The following FSTL5 variants were observed in gnomAD, a reference collection of about 807,000 sequenced individuals.
FSTL5 encodes the protein follistatin-related protein 5.
Under a neutral mutation model 89.1 loss-of-function variants are expected in FSTL5, and 62 were observed. The observed-to-expected ratio is 0.70, with a 90% CI of 0.57 to 0.86. The LOEUF (loss-of-function observed/expected upper bound fraction) is 0.86. FSTL5 is among the 40% of genes least tolerant of loss of function. The pLI, the probability that FSTL5 is intolerant of heterozygous loss-of-function variation, is 0.00. For synonymous variants in FSTL5, 383 were observed against 346.2 expected (o/e 1.11, Z -1.18); for missense variants, 1,057 against 1,001.6 (o/e 1.06, Z -0.75).
At chr4:161,680,603 G>A (rs1013919877) in intron 6 of FSTL5, among the ~76,000 whole-genome samples, 1 of 151,218 alleles carries the variant, frequency 6.6e-6, no homozygotes, top group African/African-American at 2.4e-5. Context: ...CAAATGATAT[G>A]ATTTATGCCA....
intron 6 of FSTL5, among the ~76,000 whole-genome samples, chr4:161,696,889 C>T (rs1738188934): frequency 6.6e-6 from 1 of 152,172 alleles, no homozygotes; most frequent in African/African-American, 2.4e-5. Context: ...ATCCTCTCAT[C>T]AGCAAACAAC....
Position 161,974,864 on chromosome 4 carries a change from G to A in FSTL5, c.161-54212C>T, listed in dbSNP as rs192719491. ...TCGCAACCTACTCATCTGACAAAGG[G>A]CTAATAGCCAAAATCTACAATGAAA... On this transcript the variant is annotated intron_variant, in intron 3 of 15. Transcript: ENST00000306100. Among the ~76,000 whole-genome samples the A allele has an allele frequency of 2.0e-5, 3 of 151,972 alleles. No homozygotes were observed. In the East Asian group the frequency reaches 5.8e-4, roughly 30 times the overall value.
chr4:161,529,452 T>G (rs1731337870), intron 10 of FSTL5, among the ~76,000 whole-genome samples: 1 of 142,470 alleles, frequency 7.0e-6, no homozygotes, highest in Admixed American at 7.6e-5. Context: ...AAATAATAAA[T>G]GCTTATCAAG....
At chr4:162,153,736 G>A (rs1413915392) in intron 1 of FSTL5, among the ~76,000 whole-genome samples, 1 of 42,148 alleles carries the variant, frequency 2.4e-5, no homozygotes, top group Admixed American at 3.1e-4. Context: ...ATGTATATAT[G>A]TATATAATAA....
In FSTL5 at chr4:161,606,977, C is replaced by T. The variant is rs547883018; in HGVS notation, c.895-19402G>A. On this transcript the variant is annotated intron_variant, in intron 7 of 15. Coordinates refer to ENST00000306100, the MANE Select transcript of FSTL5 (RefSeq NM_020116.5). ...AGTTAAAGAAGTAATACTAGTTATT[C>T]GATTTCCTCATTAGGAGAGGCTGCA... Among the ~76,000 whole-genome samples, 172 of 152,136 alleles carry T rather than the reference C, an allele frequency of 1.1e-3. 1 individual carries two copies. The highest frequency in any genetic ancestry group is 1.9e-3 in the Non-Finnish European group (126 of 67,988).
At chr4:161,679,744 A>T (rs1167035285) in intron 6 of FSTL5, among the ~76,000 whole-genome samples, 1 of 151,858 alleles carries the variant, frequency 6.6e-6, no homozygotes, top group African/African-American at 2.4e-5. Context: ...AGCCAATATG[A>T]TCTCTTTCTT....
intron 5 of FSTL5, among the ~76,000 whole-genome samples, chr4:161,772,052 T>A (rs1052035177): frequency 2.0e-5 from 3 of 152,148 alleles, no homozygotes; most frequent in African/African-American, 7.2e-5. Flanking sequence ...GCCTACCTTC[T>A]TTATCCACTG....
intron 8 of FSTL5, among the ~76,000 whole-genome samples, chr4:161,553,508 G>A (rs1732284755): frequency 6.6e-6 from 1 of 151,104 alleles, no homozygotes; most frequent in South Asian, 2.1e-4. Context: ...ACATTGTGCT[G>A]GTAACTTTCT....
Position 161,504,296 on chromosome 4 carries a change from T to C in FSTL5, c.1340-4162A>G, listed in dbSNP as rs534852213. Among the ~76,000 whole-genome samples, 7 of 151,986 alleles carry C rather than the reference T, an allele frequency of 4.6e-5. No individual in the cohort carries two copies. In the South Asian group the frequency reaches 1.5e-3, roughly 32 times the overall value. ...AACACAAAGTTCTTTAAGTTCTCAA[T>C]ATTTAAGTTTGTAAAGGGGTCCTGA... On this transcript the variant is annotated intron_variant, in intron 11 of 15. Transcript: ENST00000306100.
intron 15 of FSTL5, among the ~76,000 whole-genome samples, chr4:161,432,644 AT>A (rs936355865): frequency 5.5e-4 from 84 of 151,740 alleles, no homozygotes; most frequent in Admixed American, 9.8e-4. Context: ...TGAAATGACA[AT>A]TTTTTTTGAA....
intron 6 of FSTL5, among the ~76,000 whole-genome samples, chr4:161,714,445 G>C (rs1483588022): frequency 6.6e-6 from 1 of 152,138 alleles, no homozygotes; most frequent in East Asian, 1.9e-4. Context: ...TATACACAGT[G>C]AGAGCTATCG....
At chr4:161,431,566 A>G (rs1018588199) in intron 15 of FSTL5, among the ~76,000 whole-genome samples, 12 of 152,016 alleles carry the variant, frequency 7.9e-5, no homozygotes, top group African/African-American at 2.2e-4. Context: ...GAAGACCACA[A>G]AACAACCAGA....
At chr4:161,941,105 G>C (rs1199726418) in intron 3 of FSTL5, among the ~76,000 whole-genome samples, 1 of 151,826 alleles carries the variant, frequency 6.6e-6, no homozygotes, top group African/African-American at 2.4e-5. Context: ...TGTTATAAAT[G>C]TAAGAGTTTA....
intron 4 of FSTL5, among the ~76,000 whole-genome samples, chr4:161,913,581 T>C (rs185670955): frequency 3.0e-4 from 45 of 152,246 alleles, no homozygotes; most frequent in Non-Finnish European, 4.3e-4. Flanking sequence ...GCTTGCACCA[T>C]GCACCTGGAA....
At chr4:161,855,003 G>GTTTTTTTTTT (rs1221548568) in intron 4 of FSTL5, among the ~76,000 whole-genome samples, 1 of 16,126 alleles carries the variant, frequency 6.2e-5, no homozygotes, top group African/African-American at 1.4e-4. Context: ...TGGTTGAGAG[G>GTTTTTTTTTT]TTTTTTTTTT....
At chr4:162,053,069 T>C (rs1435580515) in intron 2 of FSTL5, among the ~76,000 whole-genome samples, 1 of 151,778 alleles carries the variant, frequency 6.6e-6, no homozygotes, top group East Asian at 1.9e-4. Context: ...AGTAAAAAAT[T>C]AATTTTGAAA....
intron 2 of FSTL5, chr4:162,047,711 G>C (rs553859261): frequency 1.3e-5 from 2 of 152,314 alleles, no homozygotes; most frequent in Non-Finnish European, 2.9e-5. Context: ...TGTAATCCCA[G>C]CTTTTTCGGA....
chr4:161,649,559 A>ATAGATATTAT (rs1736266031), intron 7 of FSTL5, among the ~76,000 whole-genome samples: 2 of 152,244 alleles, frequency 1.3e-5, no homozygotes, highest in African/African-American at 4.8e-5. Flanking sequence ...TTGAAATACA[A>ATAGATATTAT]TAGATAATAA....
chr4:161,562,687 T>C (rs891397293), intron 8 of FSTL5, among the ~76,000 whole-genome samples: 1 of 151,870 alleles, frequency 6.6e-6, no homozygotes, highest in African/African-American at 2.4e-5. Flanking sequence ...TTGTTTATTG[T>C]GGCAAAATAC....
Sources: allele counts gnomAD v4.1 joint callset (sites outside exome capture counted in the v4.1 genomes callset), GRCh38; gene constraint gnomAD v4.1.1; transcripts MANE v1.5; gene names NCBI Gene and HGNC (gene_info 2026-07-23, HGNC 2026-07-21).